Variants in ISM2 observed in about 807,000 individuals in gnomAD.
ISM2 encodes the protein isthmin 2.
ISM2 carries 50 observed loss-of-function variants against 58.0 expected under a neutral mutation model. The observed-to-expected ratio is 0.86, with a 90% CI of 0.69 to 1.09. The LOEUF (loss-of-function observed/expected upper bound fraction) is 1.09, where lower values mean the gene tolerates loss of function less well. Among genes scored for constraint, ISM2 ranks in the 50% least tolerant of loss-of-function variants. The probability of loss-of-function intolerance (pLI) is 0.00; values close to 1 mark genes in which losing one functional copy is unlikely to be tolerated. For synonymous variants in ISM2, 303 were observed against 312.4 expected (o/e 0.97, Z 0.32); for missense variants, 723 against 745.0 (o/e 0.97, Z 0.34).
intron 4 of ISM2, among the ~76,000 whole-genome samples, chr14:77,480,759 T>C (rs867173375): frequency 3.3e-5 from 5 of 151,728 alleles, no homozygotes; most frequent in Non-Finnish European, 7.4e-5. Context: ...GGTTTCAACA[T>C]GTTGCCCAGA....
chr14:77,476,790 C>T (rs886512865), intron 6 of ISM2, among the ~76,000 whole-genome samples: 1 of 152,222 alleles, frequency 6.6e-6, no homozygotes, highest in Non-Finnish European at 1.5e-5. Flanking sequence ...TGGCTCACGC[C>T]TGTAATCTCA....
Position 77,482,624 on chromosome 14 carries a change from A to C in ISM2, c.671T>G (p.Ile224Arg), listed in dbSNP as rs149000983. The C allele has an allele frequency of 1.9e-6, 3 of 1,588,420 alleles. No individual in the cohort carries two copies. The highest frequency in any genetic ancestry group is 3.5e-5 in the Admixed American group (2 of 56,848). ...VVEDPQAEVS[I>R]DLLAEPSNPP... The stretch of plus-strand genomic sequence containing the variant: ...ATTGCTGGGCTCAGCCAACAGGTCT[A>C]TCGACACCTCGGCCTGGGGGTCCTC... The change falls in exon 4 of 7, where the codon ATA becomes AGA. Residue 224 changes from isoleucine to arginine, a missense_variant. By Grantham distance (97) the Ile-to-Arg change is moderately conservative. Transcript: ENST00000342219.
intron 4 of ISM2, among the ~76,000 whole-genome samples, chr14:77,480,595 T>TCACC (rs113073722): frequency 0.11 from 13,863 of 128,916 alleles, 835 homozygotes; most frequent in African/African-American, 0.17. Flanking sequence ...TCTCGCTCTG[T>TCACC]CACCCAGGCT....
At chr14:77,498,245 G>T in intron 1 of ISM2, 1 of 1,297,010 alleles carries the variant, frequency 7.7e-7, no homozygotes, top group Non-Finnish European at 1.0e-6. Flanking sequence ...AACCTCAGCG[G>T]CCCTGGCCCG....
Position 77,484,613 on chromosome 14 carries a change from A to G in ISM2, c.385-48T>C, listed in dbSNP as rs777675408. 13 of 1,605,496 alleles carry G rather than the reference A, an allele frequency of 8.1e-6. No homozygotes were observed. In the East Asian group the frequency reaches 1.1e-4, roughly 14 times the overall value. On this transcript the variant is annotated intron_variant, in intron 2 of 6. Coordinates refer to ENST00000342219, the MANE Select transcript of ISM2 (RefSeq NM_199296.3). ...GAGGTGACAGGTTAGGGCTTACCCA[A>G]CAGGGACCCAGAAAAGGCTGGCCAG... is the stretch of plus-strand genomic sequence containing the variant.
At chr14:77,476,881 T>C (rs560181524) in intron 6 of ISM2, among the ~76,000 whole-genome samples, 1 of 152,074 alleles carries the variant, frequency 6.6e-6, no homozygotes, top group Non-Finnish European at 1.5e-5. Flanking sequence ...CTACAAAAAA[T>C]ACAGAAATTA....
In ISM2 at chr14:77,482,488, C is replaced by T. The variant is rs765026560; in HGVS notation, c.807G>A (p.Lys269=). The T allele has an allele frequency of 4.3e-6, 7 of 1,614,102 alleles. No individual in the cohort carries two copies. The Admixed American group carries it at 6.7e-5, about 15-fold the overall frequency. The change falls in exon 4 of 7, where the codon AAG becomes AAA. Residue 269 remains lysine, a synonymous_variant. Transcript: ENST00000342219. ...CTGAAGGATAGTCCTCGTCTTCCTC[C>T]TTTTCCTCCCCCTTCTCCCCTGGGG... ...DRAPGEKGEE[K]EEDEDYPSED...
In ISM2 at chr14:77,497,405, C is replaced by T. The variant is rs2079250307; in HGVS notation, c.141+1248G>A. On this transcript the variant is annotated intron_variant, in intron 1 of 6. Coordinates refer to ENST00000342219, the MANE Select transcript of ISM2 (RefSeq NM_199296.3). ...AAAAAAAAAGGAAGAAGAAGAATGGCTGGGCACCATGGCTCATGCCTGTAA... is the reference window on the plus strand; with the variant it reads ...AAAAAAAAAGGAAGAAGAAGAATGGTTGGGCACCATGGCTCATGCCTGTAA... Among the ~76,000 whole-genome samples, 5 of 143,682 alleles carry T rather than the reference C, an allele frequency of 3.5e-5. No homozygotes were observed. In the South Asian group the frequency reaches 1.1e-3, roughly 32 times the overall value. The allele number at this position is 143,682 out of a possible 152,430, so 94.3% of individuals were successfully genotyped here. A position where few individuals can be genotyped will look rare whatever the true frequency, so the allele number is the denominator to read the frequency against.
At chr14:77,487,243 TTAAATAAA>T (rs35003981) in intron 1 of ISM2, among the ~76,000 whole-genome samples, 3,750 of 144,072 alleles carry the variant, frequency 0.026, 127 homozygotes, top group African/African-American at 0.087. Flanking sequence ...AGAATCCATC[TTAAATAAA>T]TAAATAAATA....
chr14:77,475,678 G>C lies in ISM2; in HGVS notation c.1633C>G (p.Pro545Ala), dbSNP rs752412222. Residue 545 changes from proline to alanine, a missense_variant, in exon 7 of 7, where the codon CCT (proline) becomes GCT (alanine). Transcript: ENST00000342219. This position sits in a 1 kb window ranked among gnomAD's most constrained non-coding sequence, Gnocchi z 4.1. ...GTGCAGGCTCGGCCGTTGTTGGGAG[G>C]GAGCACAGCGTGGAGGCGGCTCCAG... ...GDWSRLHAVL[P>A]PNNGRACTDN... 1 of 1,613,978 alleles carries C rather than the reference G, an allele frequency of 6.2e-7. No individual in the cohort carries two copies. Among genetic ancestry groups the C allele is most frequent in the East Asian group, 2.2e-5 (1 of 44,872 alleles).
chr14:77,487,243 T>TTAAA (rs35003981), intron 1 of ISM2, among the ~76,000 whole-genome samples: 14,864 of 143,990 alleles, frequency 0.1, 813 homozygotes, highest in Middle Eastern at 0.15. Flanking sequence ...AGAATCCATC[T>TTAAA]TAAATAAATA....
At chr14:77,476,436 G>C (rs1481727981) in intron 6 of ISM2, among the ~76,000 whole-genome samples, 1 of 152,252 alleles carries the variant, frequency 6.6e-6, no homozygotes, top group Non-Finnish European at 1.5e-5. Context: ...AAGATCCTGA[G>C]ATCTTGGAAA....
chr14:77,498,470 G>C, intron 1 of ISM2, 183 bp downstream of exon 1: 1 of 1,172,866 alleles, frequency 8.5e-7, no homozygotes, highest in Non-Finnish European at 1.2e-6. Flanking sequence ...TGGAAGCCCC[G>C]AAGTCCGGCG....
At position 77,476,066 on chromosome 14, in the gene ISM2, T is replaced by G. The variant is rs1489532742; in HGVS notation, c.1245A>C (p.Leu415=). Residue 415 remains leucine (L), a synonymous_variant, in exon 7 of 7, where the codon CTA becomes CTC. Transcript: ENST00000342219. The part of the protein sequence containing the change: ...EKWLNCKSDF[L]IKYLSQMLRD... ...GCAGCATCTGGCTCAGATACTTGAT[T>G]AGGAAGTCGCTCTTGCAGTTCAGCC... 6.5e-7 allele frequency: 1 copy of G among 1,531,518 alleles called. No individual in the cohort carries two copies. The highest frequency in any genetic ancestry group is 2.3e-5 in the East Asian group (1 of 44,140). The allele number at this position is 1,531,518 out of a possible 1,614,324, so 94.9% of individuals were successfully genotyped here.
At chr14:77,490,761 G>A (rs974033232) in intron 1 of ISM2, among the ~76,000 whole-genome samples, 7 of 152,212 alleles carry the variant, frequency 4.6e-5, no homozygotes, top group Non-Finnish European at 7.3e-5. Flanking sequence ...GACTGAGATC[G>A]GAGAGGCTGG....
At position 77,492,532 on chromosome 14, in the gene ISM2, T is replaced by C. The variant is rs868620965; in HGVS notation, c.141+6121A>G. Among the ~76,000 whole-genome samples the C allele has an allele frequency of 3.5e-3, 528 of 150,348 alleles. 3 individuals carry two copies. Among genetic ancestry groups the C allele is most frequent in the African/African-American group, 0.012 (498 of 40,770 alleles). On this transcript the variant is annotated intron_variant, in intron 1 of 6. Transcript: ENST00000342219. ...GGCCCCAGCCTTTTTTTTTTTTTTT[T>C]TTTTCAAGACAGGGTCTTGCTCTGT... is the stretch of plus-strand genomic sequence containing the variant.
At chr14:77,498,614 C>T in intron 1 of ISM2, 39 bp downstream of exon 1, 1 of 1,408,036 alleles carries the variant, frequency 7.1e-7, no homozygotes, top group Non-Finnish European at 9.2e-7. Flanking sequence ...GAGGTGGGAC[C>T]GACAGCGCGC....
chr14:77,482,504 TC>T lies in ISM2; in HGVS notation c.790del (p.Glu264ArgfsTer145). On this transcript the variant is annotated frameshift_variant, in exon 4 of 7. Coordinates refer to ENST00000342219, the MANE Select transcript of ISM2 (RefSeq NM_199296.3). LOFTEE classifies it high-confidence loss of function. ...KGEEKDRAPGEKGEEKEEDED... is the reference protein window; with the variant it reads ...KGEEKDRAPGXKGEEKEEDED... ...GTCTTCCTCCTTTTCCTCCCCCTTC[TC>T]CCCTGGGGCCCTGTCTTTTTCCTCT... The T allele has an allele frequency of 6.2e-7, 1 of 1,614,084 alleles. No homozygotes were observed. Among genetic ancestry groups the T allele is most frequent in the African/African-American group, 1.3e-5 (1 of 75,012 alleles).
chr14:77,486,245 A>G (rs187390573), intron 1 of ISM2, among the ~76,000 whole-genome samples: 1 of 137,970 alleles, frequency 7.2e-6, no homozygotes, highest in East Asian at 2.4e-4. Context: ...TCAGGGGCTT[A>G]ATCAGCCTAG....
Sources: gnomAD v4.1 joint callset for allele counts (sites outside exome capture counted in the v4.1 genomes callset) on GRCh38, gnomAD v4.1.1 for gene constraint, Gnocchi (gnomAD v3.1) non-coding constraint, MANE v1.5 for transcripts, NCBI Gene and HGNC (gene_info 2026-07-23, HGNC 2026-07-21) for gene names.